SIPA1L2: variants seen among roughly 807,000 people sequenced by gnomAD.
The protein encoded by SIPA1L2 is signal induced proliferation associated 1 like 2.
Under a neutral mutation model 163.9 loss-of-function variants are expected in SIPA1L2, and 56 were observed. The ratio of observed to expected loss-of-function variants is 0.34; its 90% CI spans 0.28 to 0.43. The LOEUF (loss-of-function observed/expected upper bound fraction) is 0.43. SIPA1L2 is among the 20% of genes least tolerant of loss of function. The probability of loss-of-function intolerance (pLI) is 1.00; values close to 1 mark genes in which losing one functional copy is unlikely to be tolerated. For missense variants in SIPA1L2, 1,974 were observed against 2,193.5 expected (o/e 0.90, Z 2.00); for synonymous variants, 877 against 865.7 (o/e 1.01, Z -0.23).
At position 232,483,789 on chromosome 1, in the gene SIPA1L2, T is replaced by TA. The variant is rs1665506555; in HGVS notation, c.1981+2dup. ...TGTGCACACACACAAACATTAAACT[T>TA]ACTCTTATTGTCTAGCTGAGCTCGA... On this transcript the variant is annotated splice_region_variant and intron_variant, in intron 6 of 22. Transcript: ENST00000674635. 1.2e-6 allele frequency: 2 copies of TA among 1,613,760 alleles called. No homozygotes were observed. The highest frequency in any genetic ancestry group is 3.3e-5 in the Admixed American group (2 of 59,988).
At chr1:232,602,409 G>A (rs1661650026) in intron 1 of SIPA1L2, among the ~76,000 whole-genome samples, 1 of 152,180 alleles carries the variant, frequency 6.6e-6, no homozygotes, top group South Asian at 2.1e-4. Flanking sequence ...CTGGCTCACT[G>A]CAACCTCTGC....
intron 10 of SIPA1L2, among the ~76,000 whole-genome samples, chr1:232,454,113 T>C (rs1223954337): frequency 1.3e-5 from 2 of 152,124 alleles, no homozygotes. Context: ...ATAGTATAAC[T>C]TACTGTAAAG....
At chr1:232,551,557 G>C (rs187160879) in intron 2 of SIPA1L2, among the ~76,000 whole-genome samples, 1 of 152,218 alleles carries the variant, frequency 6.6e-6, no homozygotes, top group Admixed American at 6.5e-5. Flanking sequence ...CAAGAAGAGC[G>C]GTGGGAATTT....
intron 1 of SIPA1L2, among the ~76,000 whole-genome samples, chr1:232,597,689 CAA>C (rs376123118): frequency 0.45 from 29,295 of 64,496 alleles, 4,616 homozygotes; most frequent in East Asian, 0.61. Context: ...AACTCTGTCT[CAA>C]AAAAAAAAAA....
At chr1:232,446,838 A>G (rs1663246774) in intron 10 of SIPA1L2, among the ~76,000 whole-genome samples, 2 of 152,260 alleles carry the variant, frequency 1.3e-5, no homozygotes, top group Admixed American at 1.3e-4. Context: ...CCCACAGAGC[A>G]GACGCCAGAG....
At chr1:232,420,507 G>C (rs1054374461) in intron 18 of SIPA1L2, among the ~76,000 whole-genome samples, 2 of 152,054 alleles carry the variant, frequency 1.3e-5, no homozygotes, top group Non-Finnish European at 2.9e-5. Context: ...GCTCTCCCAA[G>C]CCTCAGGAGC....
chr1:232,580,741 AG>A (rs1336279791), intron 1 of SIPA1L2, among the ~76,000 whole-genome samples: 1 of 152,170 alleles, frequency 6.6e-6, no homozygotes, highest in Admixed American at 6.5e-5. Context: ...GGAGGGCCTT[AG>A]AGAAAGCCTG....
intron 1 of SIPA1L2, among the ~76,000 whole-genome samples, chr1:232,616,127 G>A (rs1020083255): frequency 6.6e-6 from 1 of 152,186 alleles, no homozygotes; most frequent in African/African-American, 2.4e-5. Flanking sequence ...GCCCATGTCT[G>A]ATCTATCCAA....
At chr1:232,437,756 G>C (rs919454830) in intron 15 of SIPA1L2, among the ~76,000 whole-genome samples, 8 of 152,126 alleles carry the variant, frequency 5.3e-5, no homozygotes, top group Non-Finnish European at 8.8e-5. Flanking sequence ...TGGGGGCAGG[G>C]GTTGGCTTTG....
intron 15 of SIPA1L2, among the ~76,000 whole-genome samples, chr1:232,433,935 A>G (rs1019662301): frequency 6.6e-6 from 1 of 152,204 alleles, no homozygotes; most frequent in Non-Finnish European, 1.5e-5. Context: ...ATTGAGGATA[A>G]TAACAGTATC....
chr1:232,568,074 A>T (rs542726180), intron 2 of SIPA1L2, among the ~76,000 whole-genome samples: 2 of 152,226 alleles, frequency 1.3e-5, no homozygotes, highest in Non-Finnish European at 2.9e-5. Context: ...TTTCATCTGT[A>T]GAAGAGACAT....
At chr1:232,532,268 G>T (rs1657011619) in intron 2 of SIPA1L2, among the ~76,000 whole-genome samples, 1 of 152,162 alleles carries the variant, frequency 6.6e-6, no homozygotes, top group African/African-American at 2.4e-5. Context: ...AACAAGAAAA[G>T]TCAAGAATGA....
intron 2 of SIPA1L2, among the ~76,000 whole-genome samples, chr1:232,546,357 T>C (rs1182041917): frequency 1.3e-5 from 2 of 152,176 alleles, no homozygotes; most frequent in Non-Finnish European, 2.9e-5. Flanking sequence ...GACTTACCAT[T>C]TTTCATCTAC....
intron 4 of SIPA1L2, 97 bp downstream of exon 4, chr1:232,493,430 A>T (rs1572980272): frequency 7.0e-7 from 1 of 1,438,418 alleles, no homozygotes; most frequent in Non-Finnish European, 9.4e-7. Context: ...ACATTAAAAA[A>T]AAATAAATTC....
In SIPA1L2 at chr1:232,428,119, C is replaced by G. The variant is rs148471932; in HGVS notation, c.4410+292G>C. On this transcript the variant is annotated intron_variant, in intron 17 of 22. Transcript: ENST00000674635. ...TGAGGTCAAGAGGCCAAGTCACTTG[C>G]ATAAAGTCATGCAGCTACCCATTGC... Among the ~76,000 whole-genome samples, 128 of 152,280 alleles carry G rather than the reference C, an allele frequency of 8.4e-4. No homozygotes were observed. In the Middle Eastern group the frequency reaches 0.017, roughly 20 times the overall value.
intron 16 of SIPA1L2, among the ~76,000 whole-genome samples, chr1:232,431,699 A>C (rs1662251143): frequency 6.6e-6 from 1 of 150,796 alleles, no homozygotes; most frequent in Non-Finnish European, 1.5e-5. Flanking sequence ...CAGAGGCATC[A>C]GCATAGTTTT....
intron 1 of SIPA1L2, among the ~76,000 whole-genome samples, chr1:232,582,113 A>G (rs1660409785): frequency 6.6e-6 from 1 of 152,252 alleles, no homozygotes; most frequent in Non-Finnish European, 1.5e-5. Context: ...TGTTGCATTC[A>G]AGAAACATTT....
At chr1:232,613,266 G>A (rs1163945671) in intron 1 of SIPA1L2, among the ~76,000 whole-genome samples, 1 of 152,158 alleles carries the variant, frequency 6.6e-6, no homozygotes, top group East Asian at 1.9e-4. Context: ...TTGAGTAGGT[G>A]GAAAAGTGAG....
rs756059455 is a variant in SIPA1L2, at chr1:232,443,603, C to A, written c.3436G>T (p.Gly1146Trp). The A allele has an allele frequency of 1.6e-5, 26 of 1,594,562 alleles. No homozygotes were observed. The highest frequency in any genetic ancestry group is 2.1e-5 in the Non-Finnish European group (25 of 1,171,012). ...GPWRPQVGYD[G>W]CQSPLLLEHQ... is the part of the protein sequence containing the mutation. Reference sequence around the variant, plus strand: ...AACTAAGATAAAAATGAACAGTACCCGTCGTAGCCCACTTGTGGTCTCCAG... The same window carrying A: ...AACTAAGATAAAAATGAACAGTACCAGTCGTAGCCCACTTGTGGTCTCCAG... The change falls in exon 12 of 23, where the codon GGG (glycine) becomes TGG (tryptophan). Residue 1146 changes from glycine (G) to tryptophan (W), a missense_variant and splice_region_variant. Physicochemically the swap from Gly to Trp is radical, Grantham distance 184. Coordinates refer to ENST00000674635, the MANE Select transcript of SIPA1L2 (RefSeq NM_020808.5).
Sources: gnomAD v4.1 joint callset for allele counts (sites outside exome capture counted in the v4.1 genomes callset) on GRCh38, gnomAD v4.1.1 for gene constraint, MANE v1.5 for transcripts, NCBI Gene and HGNC (gene_info 2026-07-23, HGNC 2026-07-21) for gene names.